Variants in HFM1 observed in about 807,000 individuals in gnomAD.
HFM1 encodes the protein helicase for meiosis 1.
In HFM1, 169 loss-of-function variants were observed where a neutral mutation model predicts 192.1. The observed-to-expected ratio is 0.88, with a 90% CI of 0.78 to 1.00. The LOEUF (loss-of-function observed/expected upper bound fraction) is 1.00, where lower values mean the gene tolerates loss of function less well. Ranked by LOEUF, HFM1 falls within the 50% of genes least tolerant of loss-of-function variation. HFM1 has a pLI of 0.00. For synonymous variants in HFM1, 525 were observed against 537.8 expected (o/e 0.98, Z 0.33); for missense variants, 1,661 against 1,668.0 (o/e 1.00, Z 0.07).
At chr1:91,287,398 C>G (rs1421058581) in intron 30 of HFM1, among the ~76,000 whole-genome samples, 1 of 152,078 alleles carries the variant, frequency 6.6e-6, no homozygotes, top group Non-Finnish European at 1.5e-5. Flanking sequence ...CTAGCAGGGG[C>G]AGACTGACAC....
intron 1 of HFM1, among the ~76,000 whole-genome samples, chr1:91,401,966 A>T (rs533004914): frequency 1.0e-3 from 159 of 152,124 alleles, no homozygotes; most frequent in Non-Finnish European, 1.8e-3. Flanking sequence ...CATTAGAATT[A>T]TTTTTCCCTG....
At chr1:91,367,334 C>T (rs930934015) in intron 13 of HFM1, among the ~76,000 whole-genome samples, 1 of 152,140 alleles carries the variant, frequency 6.6e-6, no homozygotes, top group Non-Finnish European at 1.5e-5. Flanking sequence ...GACCCCCAAG[C>T]CTAACTGAGA....
chr1:91,339,313 G>A (rs1408001624), intron 20 of HFM1, among the ~76,000 whole-genome samples: 3 of 151,878 alleles, frequency 2.0e-5, no homozygotes, highest in Non-Finnish European at 2.9e-5. Context: ...TGAAATGTCA[G>A]ACCTAGAATT....
At chr1:91,365,863 G>T (rs1276880551) in intron 13 of HFM1, among the ~76,000 whole-genome samples, 1 of 150,394 alleles carries the variant, frequency 6.6e-6, no homozygotes. Flanking sequence ...TATTGATTAA[G>T]AAATTGAAGT....
intron 2 of HFM1, 26 bp downstream of exon 2, chr1:91,400,986 G>A (rs781463801): frequency 1.7e-6 from 2 of 1,153,692 alleles, no homozygotes; most frequent in Non-Finnish European, 2.5e-6. Context: ...AATATACTAT[G>A]CTATCAATCT....
chr1:91,286,633 A>G (rs985671893), intron 30 of HFM1, among the ~76,000 whole-genome samples: 4 of 152,192 alleles, frequency 2.6e-5, no homozygotes, highest in African/African-American at 9.7e-5. Context: ...ATTCCAGATA[A>G]GATCACATTC....
At position 91,350,806 on chromosome 1, in the gene HFM1, T is replaced by G; in HGVS notation, c.2138A>C (p.Asn713Thr). The change falls in exon 18 of 39, where the codon AAT (asparagine) becomes ACT (threonine). Residue 713 changes from asparagine (N) to threonine (T), a missense_variant. By Grantham distance (65) the Asn-to-Thr change is moderately conservative. Coordinates refer to ENST00000370425, the MANE Select transcript of HFM1 (RefSeq NM_001017975.6). ...EIVLHTITDV[N>T]IAVEWIRSTL... ...TGATCGTATCCATTCCACAGCAATA[T>G]TCACATCCGTGATGGTATGCAGTAC... 6.2e-7 allele frequency: 1 copy of G among 1,610,140 alleles called. No homozygotes were observed. The highest frequency in any genetic ancestry group is 8.5e-7 in the Non-Finnish European group (1 of 1,177,192).
chr1:91,304,799 T>C (rs1000268928), intron 30 of HFM1, among the ~76,000 whole-genome samples: 5 of 152,092 alleles, frequency 3.3e-5, no homozygotes, highest in Admixed American at 1.3e-4. Context: ...TTTTAAGTTT[T>C]ACCTTTAGGT....
intron 2 of HFM1, among the ~76,000 whole-genome samples, chr1:91,398,452 C>T (rs951887210): frequency 3.9e-5 from 6 of 152,196 alleles, no homozygotes; most frequent in Non-Finnish European, 8.8e-5. Flanking sequence ...CTTGTTTTAA[C>T]TGCCCTCACT....
intron 34 of HFM1, among the ~76,000 whole-genome samples, chr1:91,270,218 T>G (rs1159668879): frequency 6.6e-6 from 1 of 152,032 alleles, no homozygotes; most frequent in Non-Finnish European, 1.5e-5. Context: ...ATAACAAATA[T>G]GAGAGATGTG....
chr1:91,284,767 A>G (rs1159931315), intron 30 of HFM1, among the ~76,000 whole-genome samples: 2 of 152,206 alleles, frequency 1.3e-5, no homozygotes, highest in Non-Finnish European at 2.9e-5. Context: ...ACATTGCCAT[A>G]TATTAAAAAT....
chr1:91,275,195 G>T (rs996416742), intron 32 of HFM1, among the ~76,000 whole-genome samples: 3 of 152,080 alleles, frequency 2.0e-5, no homozygotes, highest in Non-Finnish European at 4.4e-5. Context: ...ATGTTGGCCA[G>T]GCTGGTCTCG....
Position 91,274,822 on chromosome 1 carries a change from C to T in HFM1, c.3589-13G>A, listed in dbSNP as rs763692894. 3 of 1,393,788 alleles carry T rather than the reference C, an allele frequency of 2.2e-6. No homozygotes were observed. The highest frequency in any genetic ancestry group is 1.2e-5 in the South Asian group (1 of 80,844). The allele number at this position is 1,393,788 out of a possible 1,614,324, so 86.3% of individuals were successfully genotyped here. ...TATTCATCTGTATCTATTAATGAAA[C>T]AAAAATAAGTTCAACTATCAGTTTC... On this transcript the variant is annotated splice_polypyrimidine_tract_variant and intron_variant, in intron 32 of 38. Transcript: ENST00000370425.
chr1:91,369,061 T>C (rs1210151021), intron 13 of HFM1, among the ~76,000 whole-genome samples: 8 of 152,196 alleles, frequency 5.3e-5, no homozygotes, highest in Non-Finnish European at 1.2e-4. Flanking sequence ...ATCCTAAATA[T>C]ATATGCACCC....
At chr1:91,388,862 C>T (rs963605327) in intron 4 of HFM1, among the ~76,000 whole-genome samples, 1 of 152,064 alleles carries the variant, frequency 6.6e-6, no homozygotes, top group African/African-American at 2.4e-5. Context: ...TGAAAACCCA[C>T]AGAATGGGGG....
intron 30 of HFM1, among the ~76,000 whole-genome samples, chr1:91,287,425 C>T (rs185106841): frequency 0.01 from 1,581 of 152,112 alleles, 26 homozygotes; most frequent in African/African-American, 0.034. Context: ...CGTCCGGGTA[C>T]TCCAACAGAC....
chr1:91,370,579 T>C (rs1294429361), intron 13 of HFM1, among the ~76,000 whole-genome samples: 3 of 152,162 alleles, frequency 2.0e-5, no homozygotes, highest in Admixed American at 6.5e-5. Context: ...TAGGTATTGA[T>C]TGGATGTATC....
At chr1:91,261,905 T>G (rs1398420885) in intron 38 of HFM1, among the ~76,000 whole-genome samples, 2 of 152,190 alleles carry the variant, frequency 1.3e-5, no homozygotes, top group Non-Finnish European at 2.9e-5. Flanking sequence ...CAACTTCAAC[T>G]TTTGAAAAAT....
intron 3 of HFM1, among the ~76,000 whole-genome samples, chr1:91,395,485 CTGTT>C (rs956588648): frequency 1.2e-4 from 18 of 151,880 alleles, no homozygotes; most frequent in Non-Finnish European, 2.1e-4. Context: ...TGAGGAGGAT[CTGTT>C]TGTTTGTTTA....
Sources: allele counts gnomAD v4.1 joint callset (sites outside exome capture counted in the v4.1 genomes callset), GRCh38; gene constraint gnomAD v4.1.1; transcripts MANE v1.5; gene names NCBI Gene and HGNC (gene_info 2026-07-23, HGNC 2026-07-21).